PCNX2: variants seen among roughly 807,000 people sequenced by gnomAD.
PCNX2 encodes the protein pecanex 2.
Under a neutral mutation model 223.8 loss-of-function variants are expected in PCNX2, and 168 were observed. The ratio of observed to expected loss-of-function variants is 0.75; its 90% confidence interval spans 0.66 to 0.85. PCNX2 has a LOEUF of 0.85. Ranked by LOEUF, PCNX2 falls within the 40% of genes least tolerant of loss-of-function variation. The pLI, the probability that PCNX2 is intolerant of heterozygous loss-of-function variation, is 0.00. For missense variants in PCNX2, 2,507 were observed against 2,675.5 expected (o/e 0.94, Z 1.39); for synonymous variants, 1,006 against 1,052.6 (o/e 0.96, Z 0.86).
intron 25 of PCNX2, among the ~76,000 whole-genome samples, chr1:233,049,228 A>G (rs1671915995): frequency 6.6e-6 from 1 of 152,200 alleles, no homozygotes; most frequent in Non-Finnish European, 1.5e-5. Context: ...TATAGATACA[A>G]AAATCTTCAG....
intron 25 of PCNX2, among the ~76,000 whole-genome samples, chr1:233,028,515 C>T (rs1384415323): frequency 1.3e-5 from 2 of 152,122 alleles, no homozygotes; most frequent in Non-Finnish European, 2.9e-5. Context: ...ATCTTGAAGT[C>T]TGATATTAAT....
At chr1:233,288,324 G>A (rs1179534300) in intron 1 of PCNX2, among the ~76,000 whole-genome samples, 1 of 152,156 alleles carries the variant, frequency 6.6e-6, no homozygotes, top group East Asian at 1.9e-4. Flanking sequence ...TATCTGAGGA[G>A]TGAACCATTC....
At chr1:233,147,826 G>C (rs1051332967) in intron 19 of PCNX2, among the ~76,000 whole-genome samples, 1 of 152,200 alleles carries the variant, frequency 6.6e-6, no homozygotes, top group South Asian at 2.1e-4. Flanking sequence ...TCTTTAAGAG[G>C]TGATAACTGA....
At chr1:233,008,768 G>A (rs1670368961) in intron 28 of PCNX2, among the ~76,000 whole-genome samples, 1 of 152,222 alleles carries the variant, frequency 6.6e-6, no homozygotes, top group Non-Finnish European at 1.5e-5. Flanking sequence ...AGGGCAAGAT[G>A]CCATCCCAGG....
chr1:233,157,909 T>C (rs1040547277), intron 19 of PCNX2, among the ~76,000 whole-genome samples: 2 of 152,134 alleles, frequency 1.3e-5, no homozygotes, highest in African/African-American at 4.8e-5. Context: ...CTAGTGTAGG[T>C]AGGTGAGAAA....
chr1:233,061,378 T>C (rs10910653), intron 23 of PCNX2, among the ~76,000 whole-genome samples: 29,970 of 152,174 alleles, frequency 0.2, 4,485 homozygotes, highest in African/African-American at 0.42. Context: ...GCAAAGTCAA[T>C]GGCACTCTGC....
At chr1:233,163,100 A>T (rs919935792) in intron 17 of PCNX2, among the ~76,000 whole-genome samples, 1 of 151,984 alleles carries the variant, frequency 6.6e-6, no homozygotes, top group African/African-American at 2.4e-5. Flanking sequence ...TCTATTTATT[A>T]AAATGTTCTC....
chr1:233,184,641 G>C (rs1044096748), intron 15 of PCNX2, among the ~76,000 whole-genome samples: 1 of 152,020 alleles, frequency 6.6e-6, no homozygotes, highest in African/African-American at 2.4e-5. Context: ...TTACACTCCT[G>C]GTTTCTGTCC....
At chr1:233,078,343 A>C (rs1363175080) in intron 23 of PCNX2, among the ~76,000 whole-genome samples, 2 of 152,248 alleles carry the variant, frequency 1.3e-5, no homozygotes, top group Non-Finnish European at 2.9e-5. Context: ...CACTGTCCAG[A>C]TGTTTCAAAT....
At chr1:233,080,833 T>C (rs1420859741) in intron 23 of PCNX2, among the ~76,000 whole-genome samples, 1 of 152,212 alleles carries the variant, frequency 6.6e-6, no homozygotes. Flanking sequence ...GTGAATCTCA[T>C]GCATTTTCAT....
intron 32 of PCNX2, among the ~76,000 whole-genome samples, chr1:232,989,389 G>T (rs1351292856): frequency 1.3e-5 from 2 of 152,010 alleles, no homozygotes; most frequent in Non-Finnish European, 2.9e-5. Flanking sequence ...AGGAGGCGGA[G>T]CTTGCAGTGA....
At chr1:233,050,043 A>G (rs1671945287) in intron 25 of PCNX2, among the ~76,000 whole-genome samples, 1 of 152,096 alleles carries the variant, frequency 6.6e-6, no homozygotes, top group Non-Finnish European at 1.5e-5. Context: ...AACAATGGGA[A>G]CACATGGACA....
At chr1:233,176,016 C>G (rs1224647797) in intron 17 of PCNX2, among the ~76,000 whole-genome samples, 1 of 152,140 alleles carries the variant, frequency 6.6e-6, no homozygotes, top group Admixed American at 6.5e-5. Context: ...CACTGTAACA[C>G]CGGGCACTGG....
intron 15 of PCNX2, among the ~76,000 whole-genome samples, chr1:233,183,874 C>T (rs932389359): frequency 3.3e-5 from 5 of 152,314 alleles, no homozygotes; most frequent in Non-Finnish European, 4.4e-5. Context: ...AAATGCAGAA[C>T]GTGGTCCTTC....
intron 1 of PCNX2, among the ~76,000 whole-genome samples, chr1:233,287,339 A>T (rs1049351373): frequency 2.6e-5 from 4 of 152,234 alleles, no homozygotes; most frequent in Non-Finnish European, 5.9e-5. Flanking sequence ...ACCCATTGGT[A>T]TGGTTTGGCT....
At chr1:233,302,015 C>T in the PCNX2 span, among the ~76,000 whole-genome samples, 2 of 152,010 alleles carry the variant, frequency 1.3e-5, no homozygotes, top group African/African-American at 4.8e-5. Context: ...AGGCTGGTCT[C>T]AAACTCCTGA....
chr1:233,159,869 C>T (rs971868133), intron 19 of PCNX2, among the ~76,000 whole-genome samples: 2 of 152,088 alleles, frequency 1.3e-5, no homozygotes, highest in Non-Finnish European at 2.9e-5. Context: ...TTGGTCAGGC[C>T]CTTCTCCATC....
intron 33 of PCNX2, chr1:232,984,693 C>G: frequency 7.8e-6 from 4 of 515,796 alleles, no homozygotes; most frequent in Non-Finnish European, 1.4e-5. Context: ...CACAGGGGCT[C>G]TGCACGTGGG....
In PCNX2 at chr1:233,129,402, C is replaced by T. The variant is rs553433700; in HGVS notation, c.3837+5611G>A. Reference sequence around the variant, plus strand: ...CTAAGCTTCCCCCACCCCGCCCCGCCGCGGTGGGCTCCTGGCAGCCCAAGC... The same window carrying T: ...CTAAGCTTCCCCCACCCCGCCCCGCTGCGGTGGGCTCCTGGCAGCCCAAGC... On this transcript the variant is annotated intron_variant, in intron 21 of 33. Transcript: ENST00000258229. Among the ~76,000 whole-genome samples, 14 of 152,340 alleles carry T rather than the reference C, an allele frequency of 9.2e-5. No homozygotes were observed. In the East Asian group the frequency reaches 1.2e-3, roughly 13 times the overall value.
Sources: allele counts gnomAD v4.1 joint callset (sites outside exome capture counted in the v4.1 genomes callset), GRCh38; gene constraint gnomAD v4.1.1; transcripts MANE v1.5; gene names NCBI Gene and HGNC (gene_info 2026-07-23, HGNC 2026-07-21).